ZNF235: variants seen among roughly 807,000 people sequenced by gnomAD.
The protein encoded by ZNF235 is zfp-93.
In ZNF235, 25 loss-of-function variants were observed where a neutral mutation model predicts 29.4. The observed-to-expected ratio is 0.85, with a 90% CI of 0.62 to 1.19. The LOEUF is 1.19. ZNF235 is among the 50% of genes most tolerant of loss of function. The pLI, the probability that ZNF235 is intolerant of heterozygous loss-of-function variation, is 0.00. For missense variants in ZNF235, 788 were observed against 885.0 expected, an observed-to-expected ratio of 0.89 and a Z score of 1.39; for synonymous variants, 300 against 295.3, an observed-to-expected ratio of 1.02 and a Z score of -0.16.
intron 4 of ZNF235, 145 bp from the exon 5 acceptor site, chr19:44,289,341 A>C: frequency 1.4e-6 from 1 of 714,156 alleles, no homozygotes; most frequent in Non-Finnish European, 2.2e-6. Context: ...GGAACTCTGA[A>C]AAGCAGCTGC....
intron 1 of ZNF235, 65 bp downstream of exon 1, chr19:44,304,906 A>C: frequency 1.0e-6 from 1 of 985,446 alleles, no homozygotes; most frequent in Non-Finnish European, 1.2e-6. Context: ...GGACGGGTTC[A>C]TTGCTGGCCC....
chr19:44,297,286 G>A (rs941981329), intron 4 of ZNF235: 32 of 173,230 alleles, frequency 1.8e-4, no homozygotes, highest in Non-Finnish European at 1.5e-4. Flanking sequence ...GAGATGATGG[G>A]AGCATGCCTT....
Position 44,298,863 on chromosome 19 carries a change from C to G in ZNF235, c.183G>C (p.Glu61Asp), listed in dbSNP as rs764692530. The G allele has an allele frequency of 1.1e-5, 18 of 1,613,970 alleles. No individual in the cohort carries two copies. Among genetic ancestry groups the G allele is most frequent in the Non-Finnish European group, 1.4e-5 (17 of 1,179,950 alleles). ...SFKPDMISQL[E>D]REEKLWMKEL... is the part of the protein sequence containing the mutation. ...CCTTCATCCAAAGCTTTTCTTCCCTCTCCAACTGGGATATCATATCTGGTT... is the reference window on the plus strand; with the variant it reads ...CCTTCATCCAAAGCTTTTCTTCCCTGTCCAACTGGGATATCATATCTGGTT... Residue 61 changes from glutamate to aspartate, a missense_variant, in exon 4 of 5, where the codon GAG (glutamate) becomes GAC (aspartate). Glu to Asp is a conservative substitution (Grantham distance 45). Transcript: ENST00000291182.
chr19:44,301,726 A>G (rs889874531), intron 2 of ZNF235, among the ~76,000 whole-genome samples: 2 of 152,056 alleles, frequency 1.3e-5, no homozygotes, highest in African/African-American at 2.4e-5. Context: ...CTCAGCCCCA[A>G]AGTGCTGGGA....
At chr19:44,304,621 C>T in intron 1 of ZNF235, 1 of 690,776 alleles carries the variant, frequency 1.4e-6, no homozygotes, top group Non-Finnish European at 1.8e-6. Flanking sequence ...TCATTTAATT[C>T]TCACAAGAAC....
At chr19:44,292,454 G>T (rs570575124) in intron 4 of ZNF235, among the ~76,000 whole-genome samples, 3 of 151,160 alleles carry the variant, frequency 2.0e-5, no homozygotes, top group African/African-American at 7.3e-5. Flanking sequence ...ACAAAATACA[G>T]TTGAAAGCTT....
chr19:44,302,293 C>G (rs1180410830), intron 2 of ZNF235, among the ~76,000 whole-genome samples: 1 of 151,838 alleles, frequency 6.6e-6, no homozygotes, highest in Non-Finnish European at 1.5e-5. Context: ...TGGCAAAATT[C>G]ATAGATTACA....
In ZNF235 at chr19:44,304,979, G is replaced by C. The variant is rs1000048032; in HGVS notation, c.-57C>G. 2.5e-5 allele frequency: 25 copies of C among 980,534 alleles called. No homozygotes were observed. Among genetic ancestry groups the C allele is most frequent in the Admixed American group, 6.1e-5 (1 of 16,262 alleles). The allele number at this position is 980,534 out of a possible 1,614,324, so 60.7% of individuals were successfully genotyped here. A position where few individuals can be genotyped will look rare whatever the true frequency, so the allele number is the denominator to read the frequency against. Reference sequence around the variant, plus strand: ...ACCCGGAGCTGACTCACCTCCCTGGGAGATATCTCAGATCCGACCTCGCCT... The same window carrying C: ...ACCCGGAGCTGACTCACCTCCCTGGCAGATATCTCAGATCCGACCTCGCCT... On this transcript the variant is annotated 5_prime_UTR_variant, in exon 1 of 5. Coordinates refer to ENST00000291182, the MANE Select transcript of ZNF235 (RefSeq NM_004234.4).
intron 4 of ZNF235, among the ~76,000 whole-genome samples, chr19:44,292,471 T>G (rs111310018): frequency 1.5e-3 from 229 of 151,402 alleles, no homozygotes; most frequent in African/African-American, 5.2e-3. Flanking sequence ...GCTTTTACAA[T>G]AGACTAGACA....
At chr19:44,299,100 A>G (rs1363715854) in intron 3 of ZNF235, among the ~76,000 whole-genome samples, 197 bp from the exon 4 acceptor site, 1 of 152,064 alleles carries the variant, frequency 6.6e-6, no homozygotes, top group Non-Finnish European at 1.5e-5. Flanking sequence ...CTATTGAAAT[A>G]AAAGGTTAAA....
Position 44,289,206 on chromosome 19 carries a change from T to C in ZNF235, c.239-10A>G, listed in dbSNP as rs549845334. The C allele has an allele frequency of 3.7e-6, 6 of 1,601,956 alleles. No individual in the cohort carries two copies. The highest frequency in any genetic ancestry group is 4.5e-5 in the East Asian group (2 of 44,738). ...TTTTGATTCCTGTCTCCTGAAAGGA[T>C]AGAGAGAATAAGGAATAAAGGACCA... On this transcript the variant is annotated splice_polypyrimidine_tract_variant and intron_variant, in intron 4 of 4. Transcript: ENST00000291182.
At chr19:44,298,681 C>T in intron 4 of ZNF235, 127 bp downstream of exon 4, 2 of 681,234 alleles carry the variant, frequency 2.9e-6, no homozygotes, top group Non-Finnish European at 4.9e-6. Flanking sequence ...GAGGCTTGAG[C>T]CATCGCGCCC....
At chr19:44,304,485 T>C (rs993505655) in intron 1 of ZNF235, among the ~76,000 whole-genome samples, 1 of 152,228 alleles carries the variant, frequency 6.6e-6, no homozygotes, top group East Asian at 1.9e-4. Context: ...AGCGGCTCCG[T>C]AGCTGGATCT....
At position 44,288,377 on chromosome 19, in the gene ZNF235, C is replaced by T; in HGVS notation, c.1058G>A (p.Gly353Asp). ...GEKPYTCHEC[G>D]KSFNQSSHLY... ...ATGTGAGCTCTGATTAAAGCTCTTACCACACTCGTGGCATGTATAGGGTTT... is the reference window on the plus strand; with the variant it reads ...ATGTGAGCTCTGATTAAAGCTCTTATCACACTCGTGGCATGTATAGGGTTT... Residue 353 changes from glycine (G) to aspartate (D), a missense_variant, in exon 5 of 5, where the codon GGT (glycine) becomes GAT (aspartate). Physicochemically the swap from Gly to Asp is moderately conservative, Grantham distance 94 (BLOSUM62 -1). Coordinates refer to ENST00000291182, the MANE Select transcript of ZNF235 (RefSeq NM_004234.4). 6.2e-7 allele frequency: 1 copy of T among 1,614,126 alleles called. No homozygotes were observed. The highest frequency in any genetic ancestry group is 8.5e-7 in the Non-Finnish European group (1 of 1,180,026).
chr19:44,292,582 T>C (rs1399657962), intron 4 of ZNF235, among the ~76,000 whole-genome samples: 1 of 151,686 alleles, frequency 6.6e-6, no homozygotes, highest in Admixed American at 6.6e-5. Context: ...ACAAAGCTTC[T>C]AAGAAGTATG....
chr19:44,292,837 A>G (rs1051159818), intron 4 of ZNF235, among the ~76,000 whole-genome samples: 56 of 152,234 alleles, frequency 3.7e-4, no homozygotes, highest in African/African-American at 1.1e-3. Flanking sequence ...TAAAATCAGC[A>G]AGAGAAAAGT....
At position 44,288,709 on chromosome 19, in the gene ZNF235, A is replaced by G; in HGVS notation, c.726T>C (p.Gly242=). 6.2e-7 allele frequency: 1 copy of G among 1,614,100 alleles called. No individual in the cohort carries two copies. The highest frequency in any genetic ancestry group is 1.1e-5 in the South Asian group (1 of 91,084). The change falls in exon 5 of 5, where the codon GGT becomes GGC. Residue 242 remains glycine (G), a synonymous_variant. Coordinates refer to ENST00000291182, the MANE Select transcript of ZNF235 (RefSeq NM_004234.4). The part of the protein sequence containing the change: ...RDKVHSNSDC[G]KDTLKVSPLT... ...GAGGTGATACCTTTAGGGTATCTTTACCACAATCACTATTGCTATGAACTT... is the reference window on the plus strand; with the variant it reads ...GAGGTGATACCTTTAGGGTATCTTTGCCACAATCACTATTGCTATGAACTT...
chr19:44,291,544 A>G (rs1975584414), intron 4 of ZNF235, among the ~76,000 whole-genome samples: 2 of 152,178 alleles, frequency 1.3e-5, no homozygotes, highest in Admixed American at 1.3e-4. Flanking sequence ...AACAGAAAGA[A>G]GATACAAATT....
At chr19:44,290,671 A>T (rs535964599) in intron 4 of ZNF235, 1 of 157,836 alleles carries the variant, frequency 6.3e-6, no homozygotes, top group African/African-American at 2.4e-5. Context: ...ACATGCTGAC[A>T]TATTGAAAGG....
Sources: gnomAD v4.1 joint callset for allele counts (sites outside exome capture counted in the v4.1 genomes callset) on GRCh38, gnomAD v4.1.1 for gene constraint, MANE v1.5 for transcripts, NCBI Gene and HGNC (gene_info 2026-07-23, HGNC 2026-07-21) for gene names.